FBRSL1: variants seen among roughly 807,000 people sequenced by gnomAD.
The protein encoded by FBRSL1 is fibrosin like 1.
FBRSL1 carries 51 observed loss-of-function variants against 89.6 expected under a neutral mutation model. The ratio of observed to expected loss-of-function variants is 0.57; its 90% confidence interval spans 0.45 to 0.72. FBRSL1 has a LOEUF of 0.72. Ranked by LOEUF, FBRSL1 falls within the 30% of genes least tolerant of loss-of-function variation. FBRSL1 has a pLI of 0.00. For synonymous variants in FBRSL1, 779 were observed against 681.1 expected (o/e 1.14, Z -2.24); for missense variants, 1,618 against 1,451.8 (o/e 1.11, Z -1.86).
chr12:132,567,221 C>T (rs1211081714), intron 5 of FBRSL1, among the ~76,000 whole-genome samples: 2 of 152,324 alleles, frequency 1.3e-5, no homozygotes, highest in East Asian at 1.9e-4. Flanking sequence ...CCACAAACCC[C>T]GTCTTCACTC....
intron 1 of FBRSL1, among the ~76,000 whole-genome samples, chr12:132,505,642 G>A (rs1275299355): frequency 6.6e-6 from 1 of 152,222 alleles, no homozygotes; most frequent in South Asian, 2.1e-4. Flanking sequence ...GTGGGGTGTT[G>A]GGTGCAGCGG....
chr12:132,512,696 G>A (rs144203992), intron 2 of FBRSL1, among the ~76,000 whole-genome samples: 9 of 152,342 alleles, frequency 5.9e-5, no homozygotes, highest in Non-Finnish European at 8.8e-5. Context: ...AGGCCTGAAC[G>A]GGCTGAGGGA....
intron 4 of FBRSL1, among the ~76,000 whole-genome samples, chr12:132,536,066 T>C (rs1434170654): frequency 6.7e-6 from 1 of 149,788 alleles, no homozygotes; most frequent in African/African-American, 2.5e-5. Flanking sequence ...CACGTGTGCA[T>C]GATAGTGTGT....
At position 132,508,176 on chromosome 12, in the gene FBRSL1, T is replaced by G. The variant is rs1593274065; in HGVS notation, c.315T>G (p.His105Gln). The G allele has an allele frequency of 6.4e-7, 1 of 1,551,200 alleles. No individual in the cohort carries two copies. The highest frequency in any genetic ancestry group is 8.7e-7 in the Non-Finnish European group (1 of 1,146,918). ...AGAAGGATATGGCCCTGAAGCCACA[T>G]GAGCGGAAGGAGAAGTGGGAGCGTC... ...ALEKDMALKP[H>Q]ERKEKWERRL... The change falls in exon 2 of 19, where the codon CAT becomes CAG. Residue 105 changes from histidine (H) to glutamine (Q), a missense_variant. Physicochemically the swap from His to Gln is conservative, Grantham distance 24 (BLOSUM62 0). Coordinates refer to ENST00000680143, the MANE Select transcript of FBRSL1 (RefSeq NM_001367871.1).
chr12:132,504,305 T>C (rs2033400208), intron 1 of FBRSL1, among the ~76,000 whole-genome samples: 1 of 152,228 alleles, frequency 6.6e-6, no homozygotes, highest in Non-Finnish European at 1.5e-5. Context: ...TCTGGTTCAC[T>C]GTAGCGTGAT....
At chr12:132,558,362 C>T (rs2038845078) in intron 5 of FBRSL1, among the ~76,000 whole-genome samples, 1 of 152,240 alleles carries the variant, frequency 6.6e-6, no homozygotes. Context: ...CGTCTGTTTT[C>T]TCGTCGGTGA....
In FBRSL1 at chr12:132,490,191, A is replaced by G. The variant is rs2030604099; in HGVS notation, c.-380A>G. ...TTCGGGGCGCCGCCGCCGCCTCACGAGCCCGGTGCCCAGGAGCCCGGCCGC... is the reference window on the plus strand; with the variant it reads ...TTCGGGGCGCCGCCGCCGCCTCACGGGCCCGGTGCCCAGGAGCCCGGCCGC... On this transcript the variant is annotated 5_prime_UTR_variant, in exon 1 of 19. Coordinates refer to ENST00000680143, the MANE Select transcript of FBRSL1 (RefSeq NM_001367871.1). 1 of 80,674 alleles carries G rather than the reference A, an allele frequency of 1.2e-5. No homozygotes were observed. Among genetic ancestry groups the G allele is most frequent in the African/African-American group, 5.2e-5 (1 of 19,330 alleles). The allele number at this position is 80,674 out of a possible 1,614,324, so 5.0% of individuals were successfully genotyped here. A position where few individuals can be genotyped will look rare whatever the true frequency, so the allele number is the denominator to read the frequency against.
At chr12:132,531,503 G>A (rs1177869281) in intron 4 of FBRSL1, among the ~76,000 whole-genome samples, 1 of 152,102 alleles carries the variant, frequency 6.6e-6, no homozygotes, top group Non-Finnish European at 1.5e-5. Flanking sequence ...GCTGTGCGTT[G>A]CCTTGTAGAA....
At chr12:132,553,423 CCTT>C (rs1374718925) in intron 5 of FBRSL1, 5 of 152,240 alleles carry the variant, frequency 3.3e-5, no homozygotes, top group Non-Finnish European at 7.3e-5. Flanking sequence ...CCATCTCGCT[CCTT>C]GTGTGGCAGG....
intron 2 of FBRSL1, chr12:132,510,325 G>A (rs527654460): frequency 5.4e-5 from 67 of 1,230,602 alleles, no homozygotes; most frequent in African/African-American, 1.6e-4. Flanking sequence ...GTGCCGGCCC[G>A]TCAGCCCCGG....
rs181235332 is a variant in FBRSL1 at position 132,574,299 on chromosome 12, C to T, written c.1600-20C>T. On this transcript the variant is annotated intron_variant, in intron 12 of 18. Transcript: ENST00000680143. ...CCTCCTGAGGGGCCCGGACCTCACA[C>T]TCCTTTCCTGTCTCCACAGGTGTCT... The T allele has an allele frequency of 7.5e-4, 1,142 of 1,528,348 alleles. 13 individuals carry two copies. In the East Asian group the frequency reaches 0.017, roughly 23 times the overall value. 94.7% of individuals were successfully genotyped at this position (1,528,348 alleles called of 1,614,324 possible). A position where few individuals can be genotyped will look rare whatever the true frequency, so the allele number is the denominator to read the frequency against.
chr12:132,569,981 C>A lies in FBRSL1; in HGVS notation c.747C>A (p.Gly249=), dbSNP rs2039895538. The A allele has an allele frequency of 6.7e-7, 1 of 1,485,056 alleles. No individual in the cohort carries two copies. Among genetic ancestry groups the A allele is most frequent in the Non-Finnish European group, 8.9e-7 (1 of 1,125,380 alleles). 92.0% of individuals were successfully genotyped at this position (1,485,056 alleles called of 1,614,324 possible). Residue 249 remains glycine, a synonymous_variant, in exon 7 of 19, where the codon GGC becomes GGA. Coordinates refer to ENST00000680143, the MANE Select transcript of FBRSL1 (RefSeq NM_001367871.1). Reference sequence around the variant, plus strand: ...CCGGGCCGGTGCCCAAGGTGTCAGGCCTGGAGCGCAGCCGCGAGCTCAGCG... The same window carrying A: ...CCGGGCCGGTGCCCAAGGTGTCAGGACTGGAGCGCAGCCGCGAGCTCAGCG... The part of the protein sequence containing the change: ...AKAGPVPKVS[G]LERSRELSAE...
intron 4 of FBRSL1, among the ~76,000 whole-genome samples, chr12:132,539,764 C>T (rs1324761932): frequency 2.5e-4 from 11 of 43,232 alleles, no homozygotes; most frequent in Non-Finnish European, 4.0e-4. Flanking sequence ...CCTCCAGCCC[C>T]GTGTCCCCAC....
chr12:132,514,631 G>A (rs980276961), intron 2 of FBRSL1, among the ~76,000 whole-genome samples: 8 of 152,130 alleles, frequency 5.3e-5, no homozygotes, highest in African/African-American at 7.2e-5. Flanking sequence ...CCACAGTCCC[G>A]GCCATGGTGC....
intron 1 of FBRSL1, among the ~76,000 whole-genome samples, chr12:132,500,504 G>A (rs893877509): frequency 1.3e-5 from 2 of 152,160 alleles, no homozygotes; most frequent in Admixed American, 6.5e-5. Flanking sequence ...CATAGGGCCA[G>A]CCGGTCCTGC....
chr12:132,509,076 G>C (rs1413165617), intron 2 of FBRSL1: 1 of 1,195,738 alleles, frequency 8.4e-7, no homozygotes, highest in Non-Finnish European at 1.0e-6. Context: ...TGCTGGAGAA[G>C]GGCAGCATGC....
intron 1 of FBRSL1, among the ~76,000 whole-genome samples, chr12:132,497,614 G>C (rs940268120): frequency 6.6e-6 from 1 of 152,146 alleles, no homozygotes; most frequent in African/African-American, 2.4e-5. Flanking sequence ...CCACCCTTCA[G>C]TGCCCCCAGG....
intron 15 of FBRSL1, among the ~76,000 whole-genome samples, chr12:132,578,088 C>A (rs565144711): frequency 6.6e-6 from 1 of 152,242 alleles, no homozygotes; most frequent in Non-Finnish European, 1.5e-5. Context: ...GGAATCCTTA[C>A]GATAGCATAA....
intron 6 of FBRSL1, among the ~76,000 whole-genome samples, chr12:132,569,171 C>T (rs1593542196): frequency 6.6e-6 from 1 of 151,764 alleles, no homozygotes; most frequent in South Asian, 2.1e-4. Context: ...TGATCTGAGA[C>T]CTGCCCGAAG....
Sources: gnomAD v4.1 joint callset for allele counts (sites outside exome capture counted in the v4.1 genomes callset) on GRCh38, gnomAD v4.1.1 for gene constraint, MANE v1.5 for transcripts, NCBI Gene and HGNC (gene_info 2026-07-23, HGNC 2026-07-21) for gene names.